LYPLAL1: variants seen among roughly 807,000 people sequenced by gnomAD.
The protein encoded by LYPLAL1 is lysophospholipase like 1, also known as lysophospholipase-like protein 1.
In LYPLAL1, 23 loss-of-function variants were observed where a neutral mutation model predicts 19.7. The observed-to-expected ratio is 1.17, with a 90% CI of 0.84 to 1.65. LYPLAL1 has a LOEUF of 1.65. Ranked by LOEUF, LYPLAL1 falls within the 40% of genes most tolerant of loss-of-function variation. LYPLAL1 has a pLI of 0.00. For missense variants in LYPLAL1, 355 were observed against 279.4 expected (o/e 1.27, Z -1.93); for synonymous variants, 119 against 96.3 (o/e 1.24, Z -1.38).
At chr1:219,351,518 C>T in the LYPLAL1 span, among the ~76,000 whole-genome samples, 1 of 152,038 alleles carries the variant, frequency 6.6e-6, no homozygotes, top group Non-Finnish European at 1.5e-5. Flanking sequence ...ATGCCACTGG[C>T]TTATGTCTGA....
the LYPLAL1 span, among the ~76,000 whole-genome samples, chr1:219,254,895 A>T: frequency 2.5e-3 from 374 of 152,070 alleles, 2 homozygotes; most frequent in South Asian, 0.023. Flanking sequence ...CCTTTAAGGG[A>T]TGCCAATGAT....
the LYPLAL1 span, among the ~76,000 whole-genome samples, chr1:219,259,828 G>A: frequency 6.6e-6 from 1 of 151,624 alleles, no homozygotes; most frequent in African/African-American, 2.4e-5. Context: ...AAATTCATGA[G>A]ATTACTCAAT....
the LYPLAL1 span, among the ~76,000 whole-genome samples, chr1:219,300,189 C>T: frequency 6.6e-6 from 1 of 152,068 alleles, no homozygotes; most frequent in African/African-American, 2.4e-5. Context: ...TATCTATGTT[C>T]CCCAGGCTGG....
chr1:219,436,762 G>A, the LYPLAL1 span, among the ~76,000 whole-genome samples: 1 of 152,096 alleles, frequency 6.6e-6, no homozygotes, highest in Non-Finnish European at 1.5e-5. Flanking sequence ...TACTTGTTCT[G>A]CATTTGTATT....
chr1:219,415,460 C>T, the LYPLAL1 span, among the ~76,000 whole-genome samples: 1 of 152,194 alleles, frequency 6.6e-6, no homozygotes, highest in Non-Finnish European at 1.5e-5. Flanking sequence ...CATCAATCAC[C>T]ATCACAGGCA....
chr1:219,361,862 G>T, the LYPLAL1 span, among the ~76,000 whole-genome samples: 2 of 152,120 alleles, frequency 1.3e-5, no homozygotes, highest in African/African-American at 2.4e-5. Context: ...TTTGGCAAAT[G>T]CTGTCTTTCT....
chr1:219,349,068 G>A, the LYPLAL1 span, among the ~76,000 whole-genome samples: 4 of 152,116 alleles, frequency 2.6e-5, no homozygotes, highest in Admixed American at 2.0e-4. Context: ...AGAAAATTGG[G>A]CTTTAGAGAG....
At chr1:219,217,232 A>G (rs975693657), downstream of LYPLAL1, among the ~76,000 whole-genome samples, 1 of 152,160 alleles carries the variant, frequency 6.6e-6, no homozygotes, top group Non-Finnish European at 1.5e-5. Context: ...CATAGATATC[A>G]TGCTTGTGAC....
the LYPLAL1 span, among the ~76,000 whole-genome samples, chr1:219,265,728 C>A: frequency 6.6e-6 from 1 of 152,094 alleles, no homozygotes; most frequent in Admixed American, 6.6e-5. Flanking sequence ...CTAGGTGGTA[C>A]AGCCTGCTAC....
chr1:219,427,156 T>TA, the LYPLAL1 span, among the ~76,000 whole-genome samples: 1,805 of 152,340 alleles, frequency 0.012, 29 homozygotes, highest in African/African-American at 0.041. Flanking sequence ...GTCCTATTAG[T>TA]AAAAAATCTT....
At chr1:219,343,613 G>T in the LYPLAL1 span, among the ~76,000 whole-genome samples, 1 of 152,120 alleles carries the variant, frequency 6.6e-6, no homozygotes, top group African/African-American at 2.4e-5. Flanking sequence ...TCTAAATAGG[G>T]ATCTGGGATA....
the LYPLAL1 span, chr1:219,272,363 G>A: frequency 6.6e-6 from 1 of 152,398 alleles, no homozygotes; most frequent in African/African-American, 2.4e-5. Flanking sequence ...TAAGAAGCAG[G>A]CTGAAAAGTG....
chr1:219,273,759 T>C, the LYPLAL1 span, among the ~76,000 whole-genome samples: 1 of 152,162 alleles, frequency 6.6e-6, no homozygotes, highest in Admixed American at 6.5e-5. Context: ...TGTATGTGTT[T>C]ATTTATTTTT....
the LYPLAL1 span, among the ~76,000 whole-genome samples, chr1:219,416,697 A>G: frequency 6.6e-6 from 1 of 152,210 alleles, no homozygotes; most frequent in African/African-American, 2.4e-5. Flanking sequence ...TGTTCACAGA[A>G]AGGGGTGGTA....
the LYPLAL1 span, among the ~76,000 whole-genome samples, chr1:219,318,651 G>A: frequency 1.3e-5 from 2 of 152,136 alleles, no homozygotes; most frequent in Non-Finnish European, 2.9e-5. Flanking sequence ...TAGATTACTA[G>A]TCCTTGGAAT....
At chr1:219,240,937 T>C in the LYPLAL1 span, among the ~76,000 whole-genome samples, 1 of 151,798 alleles carries the variant, frequency 6.6e-6, no homozygotes, top group East Asian at 1.9e-4. Flanking sequence ...GGCCTACATC[T>C]ATAGTCCAGC....
chr1:219,389,876 A>G, the LYPLAL1 span, among the ~76,000 whole-genome samples: 3 of 152,220 alleles, frequency 2.0e-5, no homozygotes, highest in South Asian at 2.1e-4. Flanking sequence ...ATTAATAGCA[A>G]TATTTTCCAC....
chr1:219,422,889 T>A, the LYPLAL1 span, among the ~76,000 whole-genome samples: 6 of 152,138 alleles, frequency 3.9e-5, no homozygotes, highest in Non-Finnish European at 8.8e-5. Flanking sequence ...ATATTAGTCA[T>A]CTTTGGTCAT....
the LYPLAL1 span, among the ~76,000 whole-genome samples, chr1:219,439,136 T>G: frequency 6.6e-6 from 1 of 152,260 alleles, no homozygotes; most frequent in Non-Finnish European, 1.5e-5. Flanking sequence ...CTATCCCCAG[T>G]CCATCACCTG....
Sources: gnomAD v4.1 joint callset for allele counts (sites outside exome capture counted in the v4.1 genomes callset) on GRCh38, gnomAD v4.1.1 for gene constraint, MANE v1.5 for transcripts, NCBI Gene and HGNC (gene_info 2026-07-23, HGNC 2026-07-21) for gene names.